CACNA1D: variants seen among roughly 807,000 people sequenced by gnomAD.
CACNA1D encodes the protein voltage-dependent L-type calcium channel subunit alpha-1D.
In CACNA1D, 55 loss-of-function variants were observed where a neutral mutation model predicts 257.1. The observed-to-expected ratio is 0.21, with a 90% CI of 0.17 to 0.27. CACNA1D has a LOEUF of 0.27. Among genes scored for constraint, CACNA1D ranks in the 10% least tolerant of loss-of-function variants. The pLI is 1.00. For missense variants in CACNA1D, 1,876 were observed against 2,784.0 expected (o/e 0.67, Z 7.34); for synonymous variants, 980 against 1,014.9 (o/e 0.97, Z 0.65).
At chr3:53,601,278 A>G (rs988600495) in intron 3 of CACNA1D, among the ~76,000 whole-genome samples, 5 of 152,154 alleles carry the variant, frequency 3.3e-5, no homozygotes, top group African/African-American at 7.2e-5. Flanking sequence ...TGTCATATGT[A>G]CTAAGGTTTT....
chr3:53,695,693 G>A (rs184847811), intron 8 of CACNA1D, among the ~76,000 whole-genome samples: 8 of 152,254 alleles, frequency 5.3e-5, no homozygotes, highest in Admixed American at 5.2e-4. Context: ...GAAAGTTGGG[G>A]CTTCATGAGA....
chr3:53,691,831 A>T (rs1251334013), intron 8 of CACNA1D, among the ~76,000 whole-genome samples: 2 of 87,252 alleles, frequency 2.3e-5, no homozygotes, highest in African/African-American at 8.8e-5. Flanking sequence ...TATATCTATA[A>T]TATATATTAC....
chr3:53,784,545 G>A (rs958280289), intron 39 of CACNA1D, among the ~76,000 whole-genome samples: 2 of 152,196 alleles, frequency 1.3e-5, no homozygotes, highest in Non-Finnish European at 2.9e-5. Context: ...GCTCTGGGTG[G>A]GTCTGCCTCT....
rs59314090 is a variant in CACNA1D, at chr3:53,803,761, A to G, written c.5585+189A>G. ...GCCGCAGAGAGGCAGGGTGAGGGCT[A>G]TTCTTTCAGACCTGTTGCCTTATTT... On this transcript the variant is annotated intron_variant, in intron 44 of 47. Transcript: ENST00000350061. Among the ~76,000 whole-genome samples, 22,175 of 152,242 alleles carry G rather than the reference A, an allele frequency of 0.15. 2,658 individuals carry two copies. Among genetic ancestry groups the G allele is most frequent in the African/African-American group, 0.33 (13,776 of 41,512 alleles).
intron 3 of CACNA1D, among the ~76,000 whole-genome samples, chr3:53,539,570 G>T (rs750107567): frequency 6.6e-6 from 1 of 152,182 alleles, no homozygotes; most frequent in Non-Finnish European, 1.5e-5. Context: ...TTAAAGAATT[G>T]CTGCTAACCT....
intron 46 of CACNA1D, chr3:53,809,268 G>A (rs1349387304): frequency 2.4e-5 from 4 of 167,922 alleles, no homozygotes; most frequent in Non-Finnish European, 2.6e-5. Context: ...GTTTGCCCAC[G>A]TTGAGGGCGG....
At chr3:53,733,910 CTTTGTGTGTGTGTGTGTG>C (rs1404933362) in intron 19 of CACNA1D, among the ~76,000 whole-genome samples, 2 of 121,166 alleles carry the variant, frequency 1.7e-5, no homozygotes, top group African/African-American at 6.1e-5. Flanking sequence ...ACCTACAGCC[CTTTGTGTGTGTGTGTGTG>C]TTTGTGTGTG....
intron 4 of CACNA1D, among the ~76,000 whole-genome samples, chr3:53,653,780 T>C (rs987329956): frequency 3.3e-5 from 5 of 151,812 alleles, no homozygotes; most frequent in African/African-American, 1.2e-4. Context: ...GAAAAAAAAT[T>C]TTGAAGAAAC....
At position 53,699,248 on chromosome 3, in the gene CACNA1D, G is replaced by A. The variant is rs562143362; in HGVS notation, c.1221-3393G>A. 3.9e-5 allele frequency among the ~76,000 whole-genome samples: 6 copies of A among 152,262 alleles called. No homozygotes were observed. The South Asian group carries it at 1.2e-3, about 32-fold the overall frequency. On this transcript the variant is annotated intron_variant, in intron 8 of 47. Transcript: ENST00000350061. ...TCTATGTGTCTCCCAATCCTAACGG[G>A]TTTGTGGCAGCTTAGAGCCCATTCA...
chr3:53,779,892 C>A, intron 37 of CACNA1D, 134 bp from the exon 38 acceptor site: 2 of 736,552 alleles, frequency 2.7e-6, no homozygotes, highest in East Asian at 5.3e-5. Context: ...ATGCGTACCC[C>A]CAAATGGCTG....
At chr3:53,696,490 C>T (rs1320881426) in intron 8 of CACNA1D, among the ~76,000 whole-genome samples, 1 of 152,194 alleles carries the variant, frequency 6.6e-6, no homozygotes, top group Admixed American at 6.5e-5. Flanking sequence ...AGGTGTTGCT[C>T]TGGGCTCTGG....
intron 1 of CACNA1D, among the ~76,000 whole-genome samples, chr3:53,496,746 AGTTAT>A: frequency 6.6e-6 from 1 of 152,110 alleles, no homozygotes; most frequent in South Asian, 2.1e-4. Context: ...TGATGGTGGT[AGTTAT>A]GTTAGAGAAA....
chr3:53,607,320 A>C (rs2093524198), intron 3 of CACNA1D, among the ~76,000 whole-genome samples: 3 of 152,244 alleles, frequency 2.0e-5, no homozygotes, highest in Non-Finnish European at 4.4e-5. Context: ...GATGGAATTA[A>C]GCTTGCTGAT....
At chr3:53,746,659 C>T (rs2095171966) in intron 25 of CACNA1D, among the ~76,000 whole-genome samples, 1 of 152,206 alleles carries the variant, frequency 6.6e-6, no homozygotes, top group Non-Finnish European at 1.5e-5. Flanking sequence ...AGGCACCGTT[C>T]ACACACCGTT....
intron 3 of CACNA1D, among the ~76,000 whole-genome samples, chr3:53,646,678 A>T (rs2094024299): frequency 6.6e-6 from 1 of 152,206 alleles, no homozygotes; most frequent in Non-Finnish European, 1.5e-5. Context: ...GCCTTGGGGC[A>T]CATGGGTGGA....
chr3:53,618,470 C>A (rs1044924301), intron 3 of CACNA1D, among the ~76,000 whole-genome samples: 1 of 152,232 alleles, frequency 6.6e-6, no homozygotes, highest in Non-Finnish European at 1.5e-5. Flanking sequence ...AGCTCGCGGT[C>A]TGTCCACTGC....
rs377516092 is a variant in CACNA1D at position 53,811,486 on chromosome 3, A to T, written c.*80A>T. On this transcript the variant is annotated 3_prime_UTR_variant, in exon 48 of 48. Transcript: ENST00000350061. The surrounding 1 kb of genome is among the most constrained non-coding windows in gnomAD (Gnocchi z 4.2). ...GGGAAAAGTGCCTCATAGTTAGGAA[A>T]GTTTAGGCACTAGTTGGGAGTAATA... 5 of 1,189,230 alleles carry T rather than the reference A, an allele frequency of 4.2e-6. No homozygotes were observed. The South Asian group carries it at 6.4e-5, about 15-fold the overall frequency. 73.7% of individuals were successfully genotyped at this position (1,189,230 alleles called of 1,614,324 possible).
intron 3 of CACNA1D, among the ~76,000 whole-genome samples, chr3:53,546,486 T>A (rs1284371888): frequency 6.6e-6 from 1 of 152,226 alleles, no homozygotes; most frequent in African/African-American, 2.4e-5. Flanking sequence ...GAGTAGCTTT[T>A]GGCTTAGGGT....
chr3:53,747,673 T>C (rs1459606232), intron 26 of CACNA1D, among the ~76,000 whole-genome samples: 3 of 152,228 alleles, frequency 2.0e-5, no homozygotes, highest in Non-Finnish European at 4.4e-5. Flanking sequence ...GCAGCATCTC[T>C]GGGTGGAAGC....
Sources: gnomAD v4.1 joint callset for allele counts (sites outside exome capture counted in the v4.1 genomes callset) on GRCh38, gnomAD v4.1.1 for gene constraint, Gnocchi (gnomAD v3.1) non-coding constraint, MANE v1.5 for transcripts, NCBI Gene and HGNC (gene_info 2026-07-23, HGNC 2026-07-21) for gene names.